The following ASAP1 variants were observed in gnomAD, a reference collection of about 807,000 sequenced individuals.
The protein encoded by ASAP1 is ArfGAP with SH3 domain, ankyrin repeat and PH domain 1, also known as arf-GAP with SH3 domain, ANK repeat and PH domain-containing protein 1.
ASAP1 carries 43 observed loss-of-function variants against 145.2 expected under a neutral mutation model. The ratio of observed to expected loss-of-function variants is 0.30; its 90% confidence interval spans 0.23 to 0.38. The LOEUF (loss-of-function observed/expected upper bound fraction) is 0.38. Ranked by LOEUF, ASAP1 falls within the 10% of genes least tolerant of loss-of-function variation. ASAP1 has a pLI of 1.00. For synonymous variants in ASAP1, 546 were observed against 515.5 expected (o/e 1.06, Z -0.80); for missense variants, 1,018 against 1,355.3 (o/e 0.75, Z 3.91).
intron 15 of ASAP1, among the ~76,000 whole-genome samples, chr8:130,133,356 T>C (rs956043842): frequency 4.5e-4 from 68 of 152,140 alleles, no homozygotes; most frequent in African/African-American, 1.5e-3. Context: ...GTCAGGTGAG[T>C]GCAAAACTCC....
intron 1 of ASAP1, among the ~76,000 whole-genome samples, chr8:130,406,015 C>A (rs1352432793): frequency 6.6e-6 from 1 of 151,968 alleles, no homozygotes. Flanking sequence ...CAATTATTAT[C>A]CCAATACCTG....
intron 3 of ASAP1, among the ~76,000 whole-genome samples, chr8:130,283,113 T>A (rs1471954721): frequency 2.6e-5 from 4 of 152,166 alleles, no homozygotes; most frequent in Non-Finnish European, 5.9e-5. Flanking sequence ...ATGGGATGGA[T>A]TTGGCAAGTG....
chr8:130,236,887 T>C lies in ASAP1; in HGVS notation c.259+35A>G, dbSNP rs1294394090. On this transcript the variant is annotated intron_variant, in intron 4 of 29. Transcript: ENST00000518721. The stretch of plus-strand genomic sequence containing the variant: ...AACAAAACTCTGTAGACATTATTTA[T>C]AATTCATGTTACCTCATTTTTAGTA... 4.3e-6 allele frequency: 6 copies of C among 1,405,984 alleles called. No homozygotes were observed. In the East Asian group the frequency reaches 1.4e-4, roughly 32 times the overall value. The allele number at this position is 1,405,984 out of a possible 1,614,324, so 87.1% of individuals were successfully genotyped here.
At chr8:130,209,621 T>C (rs1430544439) in intron 5 of ASAP1, among the ~76,000 whole-genome samples, 1 of 152,158 alleles carries the variant, frequency 6.6e-6, no homozygotes, top group Non-Finnish European at 1.5e-5. Flanking sequence ...TGGATTTTTA[T>C]CACATCTTGA....
At position 130,052,416 on chromosome 8, in the gene ASAP1, T is replaced by C. The variant is rs2097394676; in HGVS notation, c.*2315A>G. The C allele has an allele frequency of 6.6e-6, 1 of 152,326 alleles. No individual in the cohort carries two copies. The highest frequency in any genetic ancestry group is 1.5e-5 in the Non-Finnish European group (1 of 68,008). The allele number at this position is 152,326 out of a possible 1,614,324, so 9.4% of individuals were successfully genotyped here. ...GGGGGAAAAAGAACTAATTTGCTAT[T>C]TTTTTTTCATAAGGTTCCATATCTT... On this transcript the variant is annotated 3_prime_UTR_variant, in exon 30 of 30. Transcript: ENST00000518721.
At chr8:130,139,836 A>AT (rs1476755403) in intron 13 of ASAP1, among the ~76,000 whole-genome samples, 1 of 150,932 alleles carries the variant, frequency 6.6e-6, no homozygotes, top group African/African-American at 2.4e-5. Flanking sequence ...GGTTAACTTT[A>AT]TTTTTTAATT....
chr8:130,246,109 CA>C (rs765993547), intron 3 of ASAP1, among the ~76,000 whole-genome samples: 2 of 152,050 alleles, frequency 1.3e-5, no homozygotes, highest in Non-Finnish European at 2.9e-5. Context: ...GGAAGTCTTA[CA>C]AAGTCCTACA....
chr8:130,312,645 G>A (rs1282645962), intron 3 of ASAP1, among the ~76,000 whole-genome samples: 1 of 152,128 alleles, frequency 6.6e-6, no homozygotes. Flanking sequence ...CTATTTATAG[G>A]TAAGGAAAAC....
intron 3 of ASAP1, among the ~76,000 whole-genome samples, chr8:130,352,651 G>A (rs190476079): frequency 2.0e-3 from 300 of 152,284 alleles, no homozygotes; most frequent in African/African-American, 6.9e-3. Flanking sequence ...CTGGCTGTAC[G>A]ACCTAGCTGG....
intron 16 of ASAP1, among the ~76,000 whole-genome samples, chr8:130,126,375 A>G (rs1592860109): frequency 6.6e-6 from 1 of 152,146 alleles, no homozygotes; most frequent in African/African-American, 2.4e-5. Flanking sequence ...ATGTTCCCTC[A>G]CTGCCACTAT....
intron 4 of ASAP1, among the ~76,000 whole-genome samples, chr8:130,232,671 C>T (rs1227732245): frequency 6.6e-6 from 1 of 150,830 alleles, no homozygotes; most frequent in Non-Finnish European, 1.5e-5. Context: ...TTTACTAGTA[C>T]TGATAAAAGT....
intron 3 of ASAP1, 37 bp downstream of exon 3, chr8:130,357,980 G>C: frequency 6.3e-7 from 1 of 1,581,100 alleles, no homozygotes; most frequent in Non-Finnish European, 8.6e-7. Flanking sequence ...CGGCGGCAGC[G>C]GCGAGCGTGG....
chr8:130,385,304 A>AAAAT (rs968019891), intron 2 of ASAP1, among the ~76,000 whole-genome samples: 5 of 152,320 alleles, frequency 3.3e-5, no homozygotes, highest in South Asian at 2.1e-4. Context: ...CGTCTCCACT[A>AAAAT]AAATAAATAA....
intron 9 of ASAP1, among the ~76,000 whole-genome samples, 194 bp from the exon 10 acceptor site, chr8:130,169,261 G>A (rs1357520784): frequency 6.6e-6 from 1 of 152,170 alleles, no homozygotes; most frequent in African/African-American, 2.4e-5. Context: ...ATTTTATAAA[G>A]ATGTACCAAC....
intron 2 of ASAP1, among the ~76,000 whole-genome samples, chr8:130,374,563 T>C (rs1827389383): frequency 6.6e-6 from 1 of 152,250 alleles, no homozygotes; most frequent in Non-Finnish European, 1.5e-5. Flanking sequence ...TAGGTGGCTA[T>C]ATTATTTTGT....
intron 1 of ASAP1, among the ~76,000 whole-genome samples, chr8:130,402,414 T>C (rs1828837110): frequency 6.6e-6 from 1 of 152,146 alleles, no homozygotes; most frequent in Non-Finnish European, 1.5e-5. Context: ...TAGAAGAATA[T>C]ACATATTTCA....
intron 27 of ASAP1, among the ~76,000 whole-genome samples, chr8:130,070,156 C>A (rs1169436697): frequency 1.3e-5 from 2 of 151,440 alleles, no homozygotes; most frequent in African/African-American, 4.9e-5. Context: ...CCTGCCTCAG[C>A]CTCCTGAGTA....
At chr8:130,147,664 A>C (rs2097635356) in intron 13 of ASAP1, among the ~76,000 whole-genome samples, 2 of 152,222 alleles carry the variant, frequency 1.3e-5, no homozygotes. Context: ...TAAGTAGCTT[A>C]ATAAAAGGCA....
intron 3 of ASAP1, among the ~76,000 whole-genome samples, chr8:130,318,347 G>A (rs1388876110): frequency 2.0e-5 from 3 of 152,216 alleles, no homozygotes; most frequent in Non-Finnish European, 2.9e-5. Context: ...CTCCCAAAGT[G>A]TTGGGATTAC....
Sources: gnomAD v4.1 joint callset for allele counts (sites outside exome capture counted in the v4.1 genomes callset) on GRCh38, gnomAD v4.1.1 for gene constraint, MANE v1.5 for transcripts, NCBI Gene and HGNC (gene_info 2026-07-23, HGNC 2026-07-21) for gene names.